The following BUD13 variants were observed in gnomAD, a reference collection of about 807,000 sequenced individuals.
BUD13 encodes the protein BUD13 spliceosome associated protein.
BUD13 carries 47 observed loss-of-function variants against 62.5 expected under a neutral mutation model. The observed-to-expected ratio is 0.75, with a 90% CI of 0.60 to 0.96. The LOEUF (loss-of-function observed/expected upper bound fraction) is 0.96. Among genes scored for constraint, BUD13 ranks in the 40% least tolerant of loss-of-function variants. BUD13 has a pLI of 0.00. For missense variants in BUD13, 821 were observed against 790.9 expected, an observed-to-expected ratio of 1.04 and a Z score of -0.46; for synonymous variants, 293 against 280.1, an observed-to-expected ratio of 1.05 and a Z score of -0.46.
chr11:116,760,197 A>G (rs1366934880), intron 5 of BUD13, among the ~76,000 whole-genome samples: 1 of 152,232 alleles, frequency 6.6e-6, no homozygotes, highest in East Asian at 1.9e-4. Flanking sequence ...CTAACACTAG[A>G]TGCTTACTTT....
intron 2 of BUD13, 42 bp from the exon 3 acceptor site, chr11:116,765,488 TC>T: frequency 6.2e-7 from 1 of 1,608,952 alleles, no homozygotes; most frequent in Non-Finnish European, 8.5e-7. Context: ...ATCCACAGGA[TC>T]CAGCCAAGAA....
In BUD13 at chr11:116,760,822, G is replaced by A; in HGVS notation, c.1167C>T (p.Asp389=). Residue 389 remains aspartate, a synonymous_variant, in exon 5 of 10, where the codon GAC becomes GAT. Coordinates refer to ENST00000260210, the MANE Select transcript of BUD13 (RefSeq NM_032725.4). ...NRPRHRSSDS[D]LSPPRRRQRT... is the part of the protein sequence containing the mutation. ...TCTGTCTCCTCCTTGGTGGAGAGAG[G>A]TCAGAATCAGAGCTCCGGTGTCTAG... 1 of 1,614,170 alleles carries A rather than the reference G, an allele frequency of 6.2e-7. No homozygotes were observed. The highest frequency in any genetic ancestry group is 1.1e-5 in the South Asian group (1 of 91,076).
Position 116,762,845 on chromosome 11 carries a change from G to T in BUD13, c.744C>A (p.Ser248=), listed in dbSNP as rs1409064188. 3 of 1,613,270 alleles carry T rather than the reference G, an allele frequency of 1.9e-6. No individual in the cohort carries two copies. The South Asian group carries it at 3.3e-5, about 18-fold the overall frequency. The part of the protein sequence containing the change: ...ISSPRRVHNN[S]PDTSRRTLGS... ...CAAGAGTCCTCCTAGATGTGTCAGGGGAGTTGTTATGGACCCTTCTGGGGG... is the reference window on the plus strand; with the variant it reads ...CAAGAGTCCTCCTAGATGTGTCAGGTGAGTTGTTATGGACCCTTCTGGGGG... The change falls in exon 4 of 10, where the codon TCC becomes TCA. Residue 248 remains serine (S), a synonymous_variant. Coordinates refer to ENST00000260210, the MANE Select transcript of BUD13 (RefSeq NM_032725.4).
intron 9 of BUD13, among the ~76,000 whole-genome samples, chr11:116,749,891 C>G (rs1240974458): frequency 6.6e-6 from 1 of 152,150 alleles, no homozygotes; most frequent in East Asian, 1.9e-4. Context: ...GACTAATTAG[C>G]AGCACTAATT....
At position 116,772,845 on chromosome 11, in the gene BUD13, C is replaced by G. The variant is rs762502775; in HGVS notation, c.120G>C (p.Lys40Asn). 1 of 1,585,102 alleles carries G rather than the reference C, an allele frequency of 6.3e-7. No homozygotes were observed. Among genetic ancestry groups the G allele is most frequent in the Non-Finnish European group, 8.6e-7 (1 of 1,168,298 alleles). ...ACCCCTTGCCGCCGGCCCCGCCAGG[C>G]TTCGGCCGCTTTTTGCGACGCTTGC... Reference protein sequence around the residue: ...SGRKRRKKRPKPGGAGGKGMR... With the variant: ...SGRKRRKKRPNPGGAGGKGMR... The change falls in exon 1 of 10, where the codon AAG becomes AAC. Residue 40 changes from lysine to asparagine, a missense_variant. Transcript: ENST00000260210.
chr11:116,754,284 C>T (rs1330604785), intron 9 of BUD13, among the ~76,000 whole-genome samples: 1 of 152,162 alleles, frequency 6.6e-6, no homozygotes, highest in Non-Finnish European at 1.5e-5. Context: ...TAGGCTCAAG[C>T]AATCCGTCTG....
intron 1 of BUD13, among the ~76,000 whole-genome samples, chr11:116,771,429 AAAT>A (rs1251717000): frequency 3.3e-5 from 5 of 152,342 alleles, no homozygotes; most frequent in Middle Eastern, 6.8e-3. Flanking sequence ...AGCTGAGCCC[AAAT>A]AATAACAATG....
At position 116,748,380 on chromosome 11, in the gene BUD13, C is replaced by A; in HGVS notation, c.*102G>T. ...AACTGGCATTCAACAAGTTGCTGGT[C>A]TGTGTGGGCTCCAATTATTAGCACA... On this transcript the variant is annotated 3_prime_UTR_variant, in exon 10 of 10. Transcript: ENST00000260210. The A allele has an allele frequency of 9.9e-7, 1 of 1,013,604 alleles. No individual in the cohort carries two copies. Among genetic ancestry groups the A allele is most frequent in the South Asian group, 1.4e-5 (1 of 69,456 alleles). 62.8% of individuals were successfully genotyped at this position (1,013,604 alleles called of 1,614,324 possible).
chr11:116,771,134 G>A (rs951167726), intron 1 of BUD13, among the ~76,000 whole-genome samples: 8 of 152,014 alleles, frequency 5.3e-5, no homozygotes, highest in African/African-American at 1.9e-4. Context: ...ACTTCCTTTG[G>A]CAAACTTTTC....
chr11:116,764,130 C>T (rs2134181257), intron 3 of BUD13, among the ~76,000 whole-genome samples: 1 of 152,284 alleles, frequency 6.6e-6, no homozygotes, highest in South Asian at 2.1e-4. Context: ...AGTTAAAATA[C>T]ATAGTTTGAG....
rs774891582 is a variant in BUD13, at chr11:116,757,918, A to C, written c.1532T>G (p.Val511Gly). 6.2e-7 allele frequency: 1 copy of C among 1,614,090 alleles called. No individual in the cohort carries two copies. Among genetic ancestry groups the C allele is most frequent in the Non-Finnish European group, 8.5e-7 (1 of 1,180,024 alleles). Residue 511 changes from valine (V) to glycine (G), a missense_variant, in exon 8 of 10, where the codon GTG becomes GGG. Around this residue, in one of 2 missense-constraint regions of BUD13, gnomAD observed 800 missense variants for 739.2 expected, o/e 1.08. Transcript: ENST00000260210. ...LAQSRQQQQN[V>G]EDAMKEMQKP... ...TTGCATCTCTTTCATTGCATCCTCC[A>C]CATTTTGTTGCTGTTGCCGGCTCTG...
chr11:116,757,072 A>C (rs1940338990), intron 9 of BUD13, 74 bp downstream of exon 9: 4 of 1,396,356 alleles, frequency 2.9e-6, no homozygotes, highest in Admixed American at 3.6e-5. Context: ...GAATGAAATA[A>C]AGTGTGGAGC....
chr11:116,753,783 G>A (rs1205655785), intron 9 of BUD13, among the ~76,000 whole-genome samples: 1 of 152,156 alleles, frequency 6.6e-6, no homozygotes, highest in Non-Finnish European at 1.5e-5. Context: ...AGAAATGTAA[G>A]CTATTAAATG....
At chr11:116,749,493 GA>G in intron 9 of BUD13, among the ~76,000 whole-genome samples, 1 of 152,172 alleles carries the variant, frequency 6.6e-6, no homozygotes, top group Admixed American at 6.5e-5. Context: ...ACTGGGGATG[GA>G]AGGGCCAGAA....
chr11:116,770,072 A>G, intron 2 of BUD13, 57 bp downstream of exon 2: 1 of 1,391,012 alleles, frequency 7.2e-7, no homozygotes, highest in South Asian at 1.3e-5. Context: ...AAAAAAAAAA[A>G]AGGAAATTGA....
At chr11:116,770,364 C>T (rs1322097233) in intron 1 of BUD13, 142 bp from the exon 2 acceptor site, 1 of 625,276 alleles carries the variant, frequency 1.6e-6, no homozygotes, top group Non-Finnish European at 2.6e-6. Context: ...ACTTCATCTC[C>T]TACTGCTACT....
intron 2 of BUD13, among the ~76,000 whole-genome samples, chr11:116,768,588 A>G (rs1414244919): frequency 1.3e-5 from 2 of 152,196 alleles, no homozygotes; most frequent in East Asian, 3.8e-4. Context: ...ATAAAATTAA[A>G]AAAAAACAAC....
intron 9 of BUD13, among the ~76,000 whole-genome samples, chr11:116,751,219 T>C (rs972382990): frequency 2.0e-5 from 3 of 152,258 alleles, no homozygotes; most frequent in African/African-American, 7.2e-5. Flanking sequence ...GCTCAGGGGC[T>C]ATCTCTCTTT....
chr11:116,763,236 T>C lies in BUD13; in HGVS notation c.353A>G (p.His118Arg), dbSNP rs1345254584. The change falls in exon 4 of 10, where the codon CAT becomes CGT. Residue 118 changes from histidine to arginine, a missense_variant. Physicochemically the swap from His to Arg is conservative, Grantham distance 29 (BLOSUM62 0). Coordinates refer to ENST00000260210, the MANE Select transcript of BUD13 (RefSeq NM_032725.4). ...TGAATCCGGGGTATCGTGACGAAAA[T>C]GTCTGTTTGAGGGTAGGTCTTCGTT... ...GHNEDLPSNR[H>R]FRHDTPDSSP... The C allele has an allele frequency of 1.9e-6, 3 of 1,546,258 alleles. No homozygotes were observed. The highest frequency in any genetic ancestry group is 2.7e-5 in the African/African-American group (2 of 72,764).
Sources: allele counts gnomAD v4.1 joint callset (sites outside exome capture counted in the v4.1 genomes callset), GRCh38; gene constraint gnomAD v4.1.1; regional missense constraint gnomAD v4.1.1; transcripts MANE v1.5; gene names NCBI Gene and HGNC (gene_info 2026-07-23, HGNC 2026-07-21).